Variants in KIT observed in about 807,000 individuals in gnomAD.
KIT encodes the protein mast/stem cell growth factor receptor Kit.
A neutral mutation model predicts 105.7 loss-of-function variants in KIT; 16 were observed. That is an observed-to-expected ratio of 0.15 (90% CI 0.10 to 0.23). The LOEUF (loss-of-function observed/expected upper bound fraction) is 0.23, where lower values mean the gene tolerates loss of function less well. KIT is among the 10% of genes least tolerant of loss of function. The pLI is 1.00. For missense variants in KIT, 858 were observed against 1,213.8 expected, an observed-to-expected ratio of 0.71 and a Z score of 4.36; for synonymous variants, 438 against 441.1, an observed-to-expected ratio of 0.99 and a Z score of 0.09.
chr4:54,693,499 G>T (rs1719853727), intron 1 of KIT, among the ~76,000 whole-genome samples: 1 of 151,952 alleles, frequency 6.6e-6, no homozygotes, highest in Admixed American at 6.6e-5. Context: ...GGTGTCACTG[G>T]ACCACCATCA....
At chr4:54,738,264 T>A (rs1723040400) in intron 20 of KIT, among the ~76,000 whole-genome samples, 165 bp from the exon 21 acceptor site, 1 of 152,198 alleles carries the variant, frequency 6.6e-6, no homozygotes, top group Non-Finnish European at 1.5e-5. Context: ...AAGCTTATAT[T>A]TGTTTTGTCA....
intron 1 of KIT, among the ~76,000 whole-genome samples, chr4:54,693,993 T>C (rs1719886871): frequency 6.6e-6 from 1 of 152,232 alleles, no homozygotes; most frequent in Non-Finnish European, 1.5e-5. Flanking sequence ...TTGAATCTAG[T>C]TGATTCTCTG....
In KIT at chr4:54,738,982, C is replaced by A; in HGVS notation, c.*425C>A. ...AAGATTAGAAGCTGAAAACCTAAGT[C>A]CTTTATGTGGAAAACAGAACATCAT... On this transcript the variant is annotated 3_prime_UTR_variant, in exon 21 of 21. Coordinates refer to ENST00000288135, the MANE Select transcript of KIT (RefSeq NM_000222.3). 1 of 500,498 alleles carries A rather than the reference C, an allele frequency of 2.0e-6. No homozygotes were observed. The highest frequency in any genetic ancestry group is 3.5e-6 in the Non-Finnish European group (1 of 287,072). The allele number at this position is 500,498 out of a possible 1,614,324, so 31.0% of individuals were successfully genotyped here. A position where few individuals can be genotyped will look rare whatever the true frequency, so the allele number is the denominator to read the frequency against.
At chr4:54,726,127 C>A in intron 9 of KIT, 77 bp downstream of exon 9, 1 of 1,136,976 alleles carries the variant, frequency 8.8e-7, no homozygotes, top group Non-Finnish European at 1.3e-6. Context: ...TAAGTTCATT[C>A]CAACATTGAC....
At chr4:54,674,093 G>C (rs936632185) in intron 1 of KIT, among the ~76,000 whole-genome samples, 1 of 152,046 alleles carries the variant, frequency 6.6e-6, no homozygotes, top group African/African-American at 2.4e-5. Flanking sequence ...TCATAAAGTG[G>C]TAATAAAAAT....
At chr4:54,710,426 G>T (rs1240376255) in intron 7 of KIT, among the ~76,000 whole-genome samples, 1 of 152,222 alleles carries the variant, frequency 6.6e-6, no homozygotes, top group Non-Finnish European at 1.5e-5. Context: ...ATAGAAAAGA[G>T]CTTAGGCGTT....
intron 7 of KIT, among the ~76,000 whole-genome samples, chr4:54,712,431 A>AT (rs1414579100): frequency 6.6e-6 from 1 of 152,204 alleles, no homozygotes; most frequent in Admixed American, 6.5e-5. Context: ...TGGGAATTTT[A>AT]TGAAGTGAGG....
rs1052690397 is a variant in KIT at position 54,719,305 on chromosome 4, C to G, written c.1232-4279C>G. Among the ~76,000 whole-genome samples the G allele has an allele frequency of 2.6e-5, 4 of 152,284 alleles. 1 individual carries two copies. Among genetic ancestry groups the G allele is most frequent in the African/African-American group, 9.6e-5 (4 of 41,564 alleles). On this transcript the variant is annotated intron_variant, in intron 7 of 20. Coordinates refer to ENST00000288135, the MANE Select transcript of KIT (RefSeq NM_000222.3). ...GGCTTGTGTATTGCCTTTCAGCCAC[C>G]AGCCCTCAGCTTTGTTATCTGTACT...
chr4:54,658,193 C>T (rs1716958632), intron 1 of KIT, 112 bp downstream of exon 1: 6 of 1,056,862 alleles, frequency 5.7e-6, no homozygotes, highest in East Asian at 2.5e-5. Flanking sequence ...GCCCTCAGTG[C>T]CCGTGCGTTC....
chr4:54,699,801 C>G (rs1279625308), intron 4 of KIT, 35 bp downstream of exon 4: 1 of 1,612,332 alleles, frequency 6.2e-7, no homozygotes, highest in Admixed American at 1.7e-5. Context: ...CATGTTCTGT[C>G]TCTGTGGGAG....
In KIT at chr4:54,727,828, A is replaced by G; in HGVS notation, c.1780A>G (p.Thr594Ala). The G allele has an allele frequency of 6.2e-7, 1 of 1,612,378 alleles. No individual in the cohort carries two copies. The highest frequency in any genetic ancestry group is 8.5e-7 in the Non-Finnish European group (1 of 1,179,780). The change falls in exon 12 of 21, where the codon ACC (threonine) becomes GCC (alanine). Residue 594 changes from threonine to alanine, a missense_variant. Coordinates refer to ENST00000288135, the MANE Select transcript of KIT (RefSeq NM_000222.3). ...FPRNRLSFGK[T>A]LGAGAFGKVV... is the part of the protein sequence containing the mutation. The stretch of plus-strand genomic sequence containing the variant: ...TGTTGTCTTCCTTCCTACAGGGAAA[A>G]CCCTGGGTGCTGGAGCTTTCGGGAA...
intron 1 of KIT, among the ~76,000 whole-genome samples, 194 bp downstream of exon 1, chr4:54,658,275 C>A (rs1716963780): frequency 1.3e-5 from 2 of 152,102 alleles, no homozygotes; most frequent in African/African-American, 4.8e-5. Context: ...CGCGAGGAGA[C>A]CCCAGCTGCT....
At chr4:54,690,058 TG>T (rs1184112956) in intron 1 of KIT, among the ~76,000 whole-genome samples, 6,395 of 93,788 alleles carry the variant, frequency 0.068, 396 homozygotes, top group African/African-American at 0.17. Flanking sequence ...TTTTTTTTTG[TG>T]GGGGGGGGGG....
rs531850670 is a variant in KIT, at chr4:54,667,065, C to G, written c.67+8984C>G. ...CCATAATCTATCATTTAGCCCTACC[C>G]TAAGAATCGCTGTGCTATAACGCAG... On this transcript the variant is annotated intron_variant, in intron 1 of 20. Transcript: ENST00000288135. 3.9e-5 allele frequency among the ~76,000 whole-genome samples: 6 copies of G among 152,238 alleles called. No individual in the cohort carries two copies. In the South Asian group the frequency reaches 1.0e-3, roughly 26 times the overall value.
In KIT at chr4:54,664,323, G is replaced by A. The variant is rs567383373; in HGVS notation, c.67+6242G>A. The stretch of plus-strand genomic sequence containing the variant: ...CCTCTTACTAGCCTCAAGGAGCATG[G>A]AGGGAATGTGTATTTAGTGCTGAGT... On this transcript the variant is annotated intron_variant, in intron 1 of 20. Transcript: ENST00000288135. 3.9e-5 allele frequency among the ~76,000 whole-genome samples: 6 copies of A among 152,252 alleles called. No homozygotes were observed. In the South Asian group the frequency reaches 1.2e-3, roughly 32 times the overall value.
intron 1 of KIT, among the ~76,000 whole-genome samples, chr4:54,676,413 C>G (rs993159305): frequency 5.9e-5 from 9 of 152,160 alleles, no homozygotes; most frequent in African/African-American, 1.9e-4. Context: ...AAGTTAAAGC[C>G]CTCGTGGATT....
chr4:54,687,995 T>G, intron 1 of KIT, among the ~76,000 whole-genome samples: 1 of 152,190 alleles, frequency 6.6e-6, no homozygotes, highest in Admixed American at 6.5e-5. Context: ...CGACGGTGCA[T>G]TGAGCTCCCC....
chr4:54,662,197 T>G (rs895002863), intron 1 of KIT, among the ~76,000 whole-genome samples: 3 of 152,080 alleles, frequency 2.0e-5, no homozygotes, highest in Non-Finnish European at 4.4e-5. Context: ...CCCTGGTGAG[T>G]GCAGGAATCC....
chr4:54,731,436 C>T lies in KIT; in HGVS notation c.2233+17C>T, dbSNP rs1247512020. On this transcript the variant is annotated intron_variant, in intron 15 of 20. Transcript: ENST00000288135. ...TGAGAATAGGTGAGTACCTACCTAT[C>T]AAGCAACCAAGAGTAACTTTACAGA... 3 of 1,488,012 alleles carry T rather than the reference C, an allele frequency of 2.0e-6. No homozygotes were observed. The African/African-American group carries it at 4.1e-5, about 21-fold the overall frequency. 92.2% of individuals were successfully genotyped at this position (1,488,012 alleles called of 1,614,324 possible). A position where few individuals can be genotyped will look rare whatever the true frequency, so the allele number is the denominator to read the frequency against.
Sources: allele counts gnomAD v4.1 joint callset (sites outside exome capture counted in the v4.1 genomes callset), GRCh38; gene constraint gnomAD v4.1.1; transcripts MANE v1.5; gene names NCBI Gene and HGNC (gene_info 2026-07-23, HGNC 2026-07-21).